EPHA7: variants seen among roughly 807,000 people sequenced by gnomAD.
EPHA7 encodes the protein ephrin type-A receptor 7.
EPHA7 carries 25 observed loss-of-function variants against 112.6 expected under a neutral mutation model. The ratio of observed to expected loss-of-function variants is 0.22; its 90% CI spans 0.16 to 0.31. The LOEUF (loss-of-function observed/expected upper bound fraction) is 0.31, where lower values mean the gene tolerates loss of function less well. Among genes scored for constraint, EPHA7 ranks in the 10% least tolerant of loss-of-function variants. The pLI is 1.00. For missense variants in EPHA7, 962 were observed against 1,212.6 expected (o/e 0.79, Z 3.07); for synonymous variants, 437 against 406.5 (o/e 1.07, Z -0.90).
In EPHA7 at chr6:93,253,866, A is replaced by G. The variant is rs371935838; in HGVS notation, c.2532+781T>C. Among the ~76,000 whole-genome samples the G allele has an allele frequency of 5.9e-5, 9 of 152,208 alleles. No homozygotes were observed. The East Asian group carries it at 1.2e-3, about 20-fold the overall frequency. ...CACTCATATTTCAATAGGTTGAACT[A>G]TAAGTGCTCTTGGCCTACAAAATGG... On this transcript the variant is annotated intron_variant, in intron 14 of 16. Transcript: ENST00000369303.
chr6:93,251,097 T>C (rs1770187450), intron 14 of EPHA7, among the ~76,000 whole-genome samples: 1 of 152,080 alleles, frequency 6.6e-6, no homozygotes, highest in African/African-American at 2.4e-5. Flanking sequence ...TTCTATTTCA[T>C]TAACCTCACA....
At chr6:93,367,860 T>C (rs1449102327) in intron 3 of EPHA7, among the ~76,000 whole-genome samples, 1 of 152,146 alleles carries the variant, frequency 6.6e-6, no homozygotes, top group Non-Finnish European at 1.5e-5. Flanking sequence ...TATTTTACAA[T>C]GTCAATTTCC....
intron 5 of EPHA7, among the ~76,000 whole-genome samples, chr6:93,274,780 TG>T (rs1353418950): frequency 6.6e-6 from 1 of 151,878 alleles, no homozygotes; most frequent in Non-Finnish European, 1.5e-5. Flanking sequence ...ATACAACATT[TG>T]GTACAGGAAA....
chr6:93,298,710 C>T (rs1022247144), intron 5 of EPHA7, among the ~76,000 whole-genome samples: 2 of 152,020 alleles, frequency 1.3e-5, no homozygotes, highest in South Asian at 4.2e-4. Context: ...AGATTGAAAA[C>T]CAAAAGACAA....
At chr6:93,251,701 A>G (rs560230763) in intron 14 of EPHA7, among the ~76,000 whole-genome samples, 34 of 152,096 alleles carry the variant, frequency 2.2e-4, no homozygotes, top group African/African-American at 7.9e-4. Flanking sequence ...AAGATATAAA[A>G]TTCAGTTAAA....
intron 8 of EPHA7, among the ~76,000 whole-genome samples, chr6:93,264,234 A>G (rs1385173765): frequency 4.6e-5 from 7 of 151,560 alleles, no homozygotes; most frequent in African/African-American, 2.4e-5. Flanking sequence ...ATGTTTACTT[A>G]TATTTCTTTC....
intron 5 of EPHA7, among the ~76,000 whole-genome samples, chr6:93,356,198 AT>A (rs1406957155): frequency 6.7e-6 from 1 of 149,018 alleles, no homozygotes; most frequent in East Asian, 2.0e-4. Flanking sequence ...AGGGTTTACA[AT>A]TTTATCTCCT....
chr6:93,295,269 T>A (rs2127842180), intron 5 of EPHA7, among the ~76,000 whole-genome samples: 1 of 152,166 alleles, frequency 6.6e-6, no homozygotes, highest in Non-Finnish European at 1.5e-5. Flanking sequence ...TTTTCCATTT[T>A]TTGTGTGTTT....
intron 14 of EPHA7, among the ~76,000 whole-genome samples, chr6:93,251,525 T>C (rs1398246578): frequency 1.3e-5 from 2 of 150,588 alleles, no homozygotes; most frequent in Non-Finnish European, 3.0e-5. Context: ...AGGATACTAA[T>C]TTACTATATA....
intron 5 of EPHA7, among the ~76,000 whole-genome samples, chr6:93,348,481 G>A (rs1582567698): frequency 6.6e-6 from 1 of 151,668 alleles, no homozygotes; most frequent in African/African-American, 2.4e-5. Flanking sequence ...TTTTCAACAA[G>A]CTTTCAAAAT....
chr6:93,269,622 C>T lies in EPHA7; in HGVS notation c.1488G>A (p.Lys496=), dbSNP rs1370966554. 4 of 1,593,434 alleles carry T rather than the reference C, an allele frequency of 2.5e-6. No individual in the cohort carries two copies. Among genetic ancestry groups the T allele is most frequent in the African/African-American group, 1.4e-5 (1 of 73,098 alleles). The change falls in exon 7 of 17, where the codon AAG becomes AAA. Residue 496 remains lysine (K), a synonymous_variant. Transcript: ENST00000369303. ...RERTYSTVKT[K]STSASINNLK... is the part of the protein sequence containing the mutation. ...GATTATTAATGGAGGCTGAAGTAGA[C>T]TTGGTTTTTACTGTTGAGTAGGTCC...
Position 93,324,912 on chromosome 6 carries a change from T to C in EPHA7, c.1324+31805A>G, listed in dbSNP as rs1329206162. The stretch of plus-strand genomic sequence containing the variant: ...CATATTGTAGAGGGCAGAAGGGATA[T>C]GTGCAAGCCTTTTATTGATAGATTT... On this transcript the variant is annotated intron_variant, in intron 5 of 16. Coordinates refer to ENST00000369303, the MANE Select transcript of EPHA7 (RefSeq NM_004440.4). Among the ~76,000 whole-genome samples the C allele has an allele frequency of 2.0e-5, 3 of 151,500 alleles. No homozygotes were observed. In the South Asian group the frequency reaches 6.2e-4, roughly 31 times the overall value.
At chr6:93,408,825 C>T (rs543626952) in intron 3 of EPHA7, among the ~76,000 whole-genome samples, 1 of 152,100 alleles carries the variant, frequency 6.6e-6, no homozygotes, top group East Asian at 1.9e-4. Context: ...GCCACAAATG[C>T]AATTTTAAAA....
intron 3 of EPHA7, among the ~76,000 whole-genome samples, chr6:93,389,164 T>C (rs1422319933): frequency 6.6e-6 from 1 of 152,130 alleles, no homozygotes; most frequent in Admixed American, 6.6e-5. Context: ...AAAGCAATTC[T>C]TAGAATAACA....
intron 5 of EPHA7, among the ~76,000 whole-genome samples, chr6:93,345,025 A>T (rs554206697): frequency 6.6e-6 from 1 of 151,748 alleles, no homozygotes; most frequent in East Asian, 1.9e-4. Flanking sequence ...TTAGGAATAT[A>T]TATGTACTCA....
chr6:93,354,812 G>A (rs1775864002), intron 5 of EPHA7, among the ~76,000 whole-genome samples: 1 of 151,920 alleles, frequency 6.6e-6, no homozygotes, highest in Non-Finnish European at 1.5e-5. Flanking sequence ...AGACATTTTA[G>A]GAACATGAAA....
chr6:93,361,946 T>G (rs776246403), intron 3 of EPHA7, among the ~76,000 whole-genome samples: 1 of 152,104 alleles, frequency 6.6e-6, no homozygotes, highest in Non-Finnish European at 1.5e-5. Context: ...TAACTGAACA[T>G]TCACTATATT....
At chr6:93,290,007 C>T (rs1424938609) in intron 5 of EPHA7, among the ~76,000 whole-genome samples, 1 of 152,070 alleles carries the variant, frequency 6.6e-6, no homozygotes, top group South Asian at 2.1e-4. Context: ...CTATTTTATA[C>T]ACAACATGCA....
chr6:93,331,209 C>T (rs1052251760), intron 5 of EPHA7, among the ~76,000 whole-genome samples: 4 of 151,430 alleles, frequency 2.6e-5, no homozygotes, highest in African/African-American at 4.8e-5. Context: ...AAGGATATCA[C>T]TGTATTTTAA....
Sources: gnomAD v4.1 joint callset for allele counts (sites outside exome capture counted in the v4.1 genomes callset) on GRCh38, gnomAD v4.1.1 for gene constraint, MANE v1.5 for transcripts, NCBI Gene and HGNC (gene_info 2026-07-23, HGNC 2026-07-21) for gene names.